Variants in MIDEAS observed in about 807,000 individuals in gnomAD.
MIDEAS encodes the protein mitotic deacetylase-associated SANT domain protein.
In MIDEAS, 26 loss-of-function variants were observed where a neutral mutation model predicts 102.7. That is an observed-to-expected ratio of 0.25 (90% CI 0.19 to 0.35). The LOEUF is 0.35. Among genes scored for constraint, MIDEAS ranks in the 10% least tolerant of loss-of-function variants. The probability of loss-of-function intolerance (pLI) is 1.00; values close to 1 mark genes in which losing one functional copy is unlikely to be tolerated. For missense variants in MIDEAS, 1,231 were observed against 1,435.6 expected (o/e 0.86, Z 2.30); for synonymous variants, 585 against 591.0 (o/e 0.99, Z 0.15).
chr14:73,778,506 G>T (rs1018279326), intron 1 of MIDEAS, among the ~76,000 whole-genome samples: 1 of 151,914 alleles, frequency 6.6e-6, no homozygotes, highest in East Asian at 1.9e-4. Context: ...AAATCTTGTT[G>T]AGCCTTTCCA....
At chr14:73,771,499 T>G (rs539195309) in intron 1 of MIDEAS, among the ~76,000 whole-genome samples, 3 of 151,932 alleles carry the variant, frequency 2.0e-5, no homozygotes, top group Non-Finnish European at 4.4e-5. Flanking sequence ...AAATAGACAC[T>G]CCACGTGTTA....
chr14:73,741,454 A>C (rs936843121), intron 1 of MIDEAS, among the ~76,000 whole-genome samples: 4 of 152,088 alleles, frequency 2.6e-5, no homozygotes, highest in African/African-American at 9.7e-5. Context: ...AGGGGAAAAC[A>C]GCTCGGGCGG....
intron 1 of MIDEAS, among the ~76,000 whole-genome samples, chr14:73,784,056 C>T (rs570371544): frequency 1.7e-4 from 26 of 152,330 alleles, no homozygotes; most frequent in Non-Finnish European, 3.4e-4. Flanking sequence ...AGTGGCACCT[C>T]GGGGTTTCCG....
intron 1 of MIDEAS, among the ~76,000 whole-genome samples, chr14:73,769,494 C>T (rs2053622934): frequency 6.6e-6 from 1 of 152,204 alleles, no homozygotes; most frequent in Admixed American, 6.5e-5. Context: ...AACAGGAAAG[C>T]TGCTGTTGGC....
intron 1 of MIDEAS, among the ~76,000 whole-genome samples, chr14:73,757,274 A>C (rs60108168): frequency 1.4e-5 from 2 of 146,324 alleles, no homozygotes; most frequent in East Asian, 2.0e-4. Context: ...CCTATCTCTA[A>C]CAACCAAAAA....
upstream of MIDEAS, among the ~76,000 whole-genome samples, chr14:73,760,719 G>T (rs572472678): frequency 6.6e-6 from 1 of 152,294 alleles, no homozygotes; most frequent in African/African-American, 2.4e-5. The surrounding 1 kb of genome is among the most constrained non-coding windows in gnomAD (Gnocchi z 4.8). Flanking sequence ...TCACTTTCTG[G>T]CTCAAAAGCG....
In MIDEAS at chr14:73,725,108, CCTAT is replaced by C. The variant is rs781054228; in HGVS notation, c.2574+160_2574+163del. On this transcript the variant is annotated intron_variant, in intron 9 of 12. Transcript: ENST00000423556. The surrounding 1 kb of genome is among the most constrained non-coding windows in gnomAD (Gnocchi z 4.1). ...GCTTAGAACCAAAAGGGAAAAGAGA[CCTAT>C]CTTTCTCTTTCTTGTATTGTTTAGG... The C allele has an allele frequency of 5.7e-5, 36 of 634,110 alleles. No homozygotes were observed. The East Asian group carries it at 6.7e-4, about 12-fold the overall frequency. The allele number at this position is 634,110 out of a possible 1,614,324, so 39.3% of individuals were successfully genotyped here.
chr14:73,738,477 A>G, intron 2 of MIDEAS, 83 bp downstream of exon 2: 1 of 1,425,756 alleles, frequency 7.0e-7, no homozygotes. Context: ...GGCTTTCCCT[A>G]GGCAAGAAGC....
chr14:73,769,794 G>A (rs2053625646), intron 1 of MIDEAS, among the ~76,000 whole-genome samples: 1 of 151,712 alleles, frequency 6.6e-6, no homozygotes, highest in African/African-American at 2.4e-5. Context: ...TAGAGACGGG[G>A]TTTCACCATA....
chr14:73,724,068 T>C lies in MIDEAS; in HGVS notation c.2574+1204A>G, dbSNP rs566570490. The C allele has an allele frequency of 7.2e-5, 11 of 152,368 alleles. 1 individual carries two copies. Among genetic ancestry groups the C allele is most frequent in the African/African-American group, 2.6e-4 (11 of 41,592 alleles). The allele number at this position is 152,368 out of a possible 1,614,324, so 9.4% of individuals were successfully genotyped here. A position where few individuals can be genotyped will look rare whatever the true frequency, so the allele number is the denominator to read the frequency against. On this transcript the variant is annotated intron_variant, in intron 9 of 12. Transcript: ENST00000423556. ...CACTTTTCTAATTTCAGTTTTTTCA[T>C]GTGTAAATAGCAAATGGGGTTAAGT...
Position 73,718,601 on chromosome 14 carries a change from A to C in MIDEAS, c.*242T>G. 1 of 364,240 alleles carries C rather than the reference A, an allele frequency of 2.7e-6. No individual in the cohort carries two copies. Among genetic ancestry groups the C allele is most frequent in the Non-Finnish European group, 4.8e-6 (1 of 207,126 alleles). 22.6% of individuals were successfully genotyped at this position (364,240 alleles called of 1,614,324 possible). On this transcript the variant is annotated 3_prime_UTR_variant, in exon 13 of 13. Transcript: ENST00000423556. ...GGACCGGGACTCTCCCGGTCCAGGA[A>C]AGCACGAGGACAGCTTCCGACAGAC... is the stretch of plus-strand genomic sequence containing the variant.
At chr14:73,776,173 T>C (rs1421812350) in intron 1 of MIDEAS, among the ~76,000 whole-genome samples, 1 of 152,044 alleles carries the variant, frequency 6.6e-6, no homozygotes, top group Non-Finnish European at 1.5e-5. Context: ...CCTCGGCCTC[T>C]GTCCTCGAAA....
At chr14:73,722,546 G>A in intron 10 of MIDEAS, 152 bp downstream of exon 10, 1 of 785,598 alleles carries the variant, frequency 1.3e-6, no homozygotes, top group Non-Finnish European at 2.0e-6. Flanking sequence ...GGAGAACCCA[G>A]CGGTCCAGGG....
chr14:73,730,278 T>C (rs4899477), intron 3 of MIDEAS: 417,611 of 529,468 alleles, frequency 0.79, 166,132 homozygotes, highest in East Asian at 0.95. Flanking sequence ...TAAAACTAAC[T>C]GTATAAAATT....
At chr14:73,722,144 G>A (rs1283987835) in intron 10 of MIDEAS, among the ~76,000 whole-genome samples, 2 of 152,284 alleles carry the variant, frequency 1.3e-5, no homozygotes, top group South Asian at 2.1e-4. Flanking sequence ...AGCCTTGGCA[G>A]GTAACACAGC....
rs751818919 is a variant in MIDEAS at position 73,736,995 on chromosome 14, T to C, written c.1749+3A>G. On this transcript the variant is annotated splice_donor_region_variant and intron_variant, in intron 3 of 12. Transcript: ENST00000423556. ...AGGTGTTTAGAAGGGGCGCCTCTCA[T>C]ACCTGAGCTTGAGCATCTGTCCCGG... is the stretch of plus-strand genomic sequence containing the variant. The C allele has an allele frequency of 4.3e-6, 7 of 1,610,632 alleles. No individual in the cohort carries two copies. The highest frequency in any genetic ancestry group is 5.9e-6 in the Non-Finnish European group (7 of 1,178,118).
At position 73,738,771 on chromosome 14, in the gene MIDEAS, C is replaced by T. The variant is rs745902012; in HGVS notation, c.1238G>A (p.Gly413Glu). Residue 413 changes from glycine (G) to glutamate (E), a missense_variant, in exon 2 of 13, where the codon GGG becomes GAG. Transcript: ENST00000423556. ...ELRESQLLPD[G>E]ERLAPNGRER... is the part of the protein sequence containing the mutation. ...CCGGCCATTGGGTGCTAGTCTCTCC[C>T]CATCAGGCAGTAGCTGCGACTCCCT... is the stretch of plus-strand genomic sequence containing the variant. The T allele has an allele frequency of 1.9e-5, 30 of 1,593,802 alleles. 2 individuals carry two copies. The South Asian group carries it at 3.4e-4, about 18-fold the overall frequency.
chr14:73,755,017 A>C (rs1478338372), intron 1 of MIDEAS: 1 of 152,216 alleles, frequency 6.6e-6, no homozygotes, highest in Non-Finnish European at 1.5e-5. Flanking sequence ...TCCAAGCTTT[A>C]ACTGGGATAA....
rs146234347 is a variant in MIDEAS at position 73,739,908 on chromosome 14, G to C, written c.101C>G (p.Pro34Arg). The C allele has an allele frequency of 1.3e-4, 209 of 1,548,312 alleles. 1 individual carries two copies. The Middle Eastern group carries it at 2.1e-3, about 16-fold the overall frequency. Residue 34 changes from proline to arginine, a missense_variant, in exon 2 of 13, where the codon CCC becomes CGC. Pro to Arg is a moderately radical substitution (Grantham distance 103). Around this residue, in one of 5 missense-constraint regions of MIDEAS, gnomAD observed 758 missense variants for 856.0 expected, o/e 0.89. Coordinates refer to ENST00000423556, the MANE Select transcript of MIDEAS (RefSeq NM_001367710.1). ...APKEQPPPLQ[P>R]PQQSIRVKEE... ...CTTCACTCTGATGGACTGCTGGGGG[G>C]GCTGCAGGGGAGGGGGCTGCTCCTT...
Sources: gnomAD v4.1 joint callset for allele counts (sites outside exome capture counted in the v4.1 genomes callset) on GRCh38, gnomAD v4.1.1 for gene constraint, gnomAD v4.1.1 regional missense constraint, Gnocchi (gnomAD v3.1) non-coding constraint, MANE v1.5 for transcripts, NCBI Gene and HGNC (gene_info 2026-07-23, HGNC 2026-07-21) for gene names.